Variants in CREB5 observed in about 807,000 individuals in gnomAD.
The protein encoded by CREB5 is cAMP responsive element binding protein 5.
Under a neutral mutation model 57.1 loss-of-function variants are expected in CREB5, and 19 were observed. The observed-to-expected ratio is 0.33, with a 90% CI of 0.23 to 0.49. CREB5 has a LOEUF of 0.49. Ranked by LOEUF, CREB5 falls within the 20% of genes least tolerant of loss-of-function variation. The pLI, the probability that CREB5 is intolerant of heterozygous loss-of-function variation, is 0.99. For synonymous variants in CREB5, 238 were observed against 238.3 expected, an observed-to-expected ratio of 1.00 and a Z score of 0.01; for missense variants, 579 against 671.6, an observed-to-expected ratio of 0.86 and a Z score of 1.52.
intron 7 of CREB5, among the ~76,000 whole-genome samples, chr7:28,769,931 A>G (rs1367989605): frequency 6.6e-6 from 1 of 152,214 alleles, no homozygotes; most frequent in Admixed American, 6.5e-5. Context: ...TGACCACAAA[A>G]GAGACATTTC....
intron 5 of CREB5, among the ~76,000 whole-genome samples, chr7:28,679,486 A>G (rs1800486185): frequency 6.6e-6 from 1 of 152,154 alleles, no homozygotes; most frequent in Non-Finnish European, 1.5e-5. Flanking sequence ...AGGGTGTAAA[A>G]GGGAGGGGAC....
chr7:28,446,938 C>T (rs759068189), intron 1 of CREB5, among the ~76,000 whole-genome samples: 1 of 152,186 alleles, frequency 6.6e-6, no homozygotes, highest in Non-Finnish European at 1.5e-5. Context: ...GCCAAGAGCA[C>T]CTCAAAGGCA....
intron 1 of CREB5, among the ~76,000 whole-genome samples, chr7:28,375,058 T>G (rs1016589316): frequency 6.6e-6 from 1 of 152,180 alleles, no homozygotes; most frequent in Non-Finnish European, 1.5e-5. Context: ...GGTTTAAAAC[T>G]GGATTGTGTT....
chr7:28,551,294 CAG>C (rs1794632840), intron 4 of CREB5, among the ~76,000 whole-genome samples: 1 of 152,076 alleles, frequency 6.6e-6, no homozygotes, highest in South Asian at 2.1e-4. Flanking sequence ...GAAAAAGGTG[CAG>C]AGTTTTAAAA....
At chr7:28,773,030 G>C (rs910925970) in intron 7 of CREB5, among the ~76,000 whole-genome samples, 7 of 151,974 alleles carry the variant, frequency 4.6e-5, no homozygotes, top group African/African-American at 7.3e-5. Flanking sequence ...TACAAGGCAG[G>C]GTTTTCGAGA....
chr7:28,535,970 T>A (rs1363240487), intron 4 of CREB5, among the ~76,000 whole-genome samples: 1 of 152,112 alleles, frequency 6.6e-6, no homozygotes, highest in East Asian at 1.9e-4. Flanking sequence ...TTAAAACACA[T>A]CAGGTCAAAT....
Position 28,809,170 on chromosome 7 carries a change from C to T in CREB5, c.1027-17C>T, listed in dbSNP as rs1334298306. ...CCTTCCCTATCCCCATCACCTCCTC[C>T]CTCTCTGGCCCAGCAGGTTTCACCA... On this transcript the variant is annotated splice_polypyrimidine_tract_variant and intron_variant, in intron 8 of 10. Coordinates refer to ENST00000357727, the MANE Select transcript of CREB5 (RefSeq NM_182898.4). The T allele has an allele frequency of 2.5e-6, 4 of 1,597,718 alleles. No homozygotes were observed. The Admixed American group carries it at 6.8e-5, about 27-fold the overall frequency.
intron 5 of CREB5, among the ~76,000 whole-genome samples, chr7:28,672,512 C>T (rs191405354): frequency 3.9e-5 from 6 of 152,154 alleles, no homozygotes; most frequent in Admixed American, 2.0e-4. Context: ...CATTTAATAA[C>T]GTACTATAAA....
At chr7:28,495,048 T>C in intron 3 of CREB5, 49 bp downstream of exon 3, 1 of 1,292,396 alleles carries the variant, frequency 7.7e-7, no homozygotes, top group Non-Finnish European at 1.1e-6. Flanking sequence ...ATCTGTTCCA[T>C]GCGAGATACT....
chr7:28,787,256 A>G (rs955003600), intron 7 of CREB5, among the ~76,000 whole-genome samples: 3 of 152,106 alleles, frequency 2.0e-5, no homozygotes, highest in Non-Finnish European at 4.4e-5. Context: ...AAACACATTG[A>G]CTCAATGCCA....
chr7:28,519,783 A>G (rs1285455444), intron 4 of CREB5, among the ~76,000 whole-genome samples: 1 of 152,220 alleles, frequency 6.6e-6, no homozygotes, highest in Non-Finnish European at 1.5e-5. Flanking sequence ...AATAACACTG[A>G]CGGAATATTC....
rs1802847025 is a variant in CREB5 at position 28,718,749 on chromosome 7, C to T, written c.465-4C>T. Reference sequence around the variant, plus strand: ...ATGTTTGTTTGTTTTTTTCTTTGTCCCAGGCCTGTCCCAGGCTCTCTATCT... The same window carrying T: ...ATGTTTGTTTGTTTTTTTCTTTGTCTCAGGCCTGTCCCAGGCTCTCTATCT... On this transcript the variant is annotated splice_region_variant and splice_polypyrimidine_tract_variant and intron_variant, in intron 5 of 10. Transcript: ENST00000357727. The T allele has an allele frequency of 6.2e-7, 1 of 1,613,504 alleles. No homozygotes were observed. The highest frequency in any genetic ancestry group is 8.5e-7 in the Non-Finnish European group (1 of 1,179,862).
intron 1 of CREB5, among the ~76,000 whole-genome samples, chr7:28,331,787 T>G (rs1785721547): frequency 6.8e-6 from 1 of 147,910 alleles, no homozygotes; most frequent in African/African-American, 2.5e-5. Flanking sequence ...AGGTGGAGGT[T>G]GCAGTCAGGC....
At chr7:28,567,160 T>C (rs929265857) in intron 4 of CREB5, among the ~76,000 whole-genome samples, 2 of 152,238 alleles carry the variant, frequency 1.3e-5, no homozygotes, top group African/African-American at 4.8e-5. Context: ...TCTCAGCATC[T>C]TCCTTCATTG....
intron 4 of CREB5, among the ~76,000 whole-genome samples, chr7:28,522,550 C>T (rs904977667): frequency 6.6e-6 from 1 of 152,074 alleles, no homozygotes; most frequent in Non-Finnish European, 1.5e-5. Flanking sequence ...CATGTGCCAC[C>T]ATGCCCGGCT....
chr7:28,431,982 CTTTT>C (rs34222908), intron 1 of CREB5, among the ~76,000 whole-genome samples: 1 of 124,904 alleles, frequency 8.0e-6, no homozygotes. Flanking sequence ...ACAGCTATGC[CTTTT>C]TTTTTTTTTT....
chr7:28,606,557 C>T (rs1343250181), intron 5 of CREB5, among the ~76,000 whole-genome samples: 1 of 152,190 alleles, frequency 6.6e-6, no homozygotes, highest in East Asian at 1.9e-4. Flanking sequence ...CTCTGCCTCT[C>T]AGTTATAAAA....
chr7:28,445,141 T>C (rs1320354785), intron 1 of CREB5, among the ~76,000 whole-genome samples: 1 of 152,218 alleles, frequency 6.6e-6, no homozygotes, highest in Non-Finnish European at 1.5e-5. Flanking sequence ...AGACGTTCCT[T>C]TGCTCCTCCT....
intron 2 of CREB5, among the ~76,000 whole-genome samples, chr7:28,489,466 A>AT (rs1394324647): frequency 2.0e-5 from 3 of 151,546 alleles, no homozygotes; most frequent in African/African-American, 4.9e-5. Context: ...CGCCCGGGTA[A>AT]TTTTTTGTGT....
Sources: allele counts gnomAD v4.1 joint callset (sites outside exome capture counted in the v4.1 genomes callset), GRCh38; gene constraint gnomAD v4.1.1; transcripts MANE v1.5; gene names NCBI Gene and HGNC (gene_info 2026-07-23, HGNC 2026-07-21).